AK9: variants seen among roughly 807,000 people sequenced by gnomAD.
The protein encoded by AK9 is adenylate kinase domain containing 1.
Under a neutral mutation model 239.6 loss-of-function variants are expected in AK9, and 191 were observed. The ratio of observed to expected loss-of-function variants is 0.80; its 90% CI spans 0.71 to 0.90. The LOEUF (loss-of-function observed/expected upper bound fraction) is 0.90. Ranked by LOEUF, AK9 falls within the 40% of genes least tolerant of loss-of-function variation. AK9 has a pLI of 0.00. For synonymous variants in AK9, 689 were observed against 721.0 expected, an observed-to-expected ratio of 0.96 and a Z score of 0.71; for missense variants, 1,995 against 2,214.7, an observed-to-expected ratio of 0.90 and a Z score of 1.99.
chr6:109,667,741 T>C (rs1297783708), intron 5 of AK9, among the ~76,000 whole-genome samples: 2 of 152,228 alleles, frequency 1.3e-5, no homozygotes, highest in Non-Finnish European at 1.5e-5. Flanking sequence ...CTCATCATTT[T>C]TTATGGCTGC....
At chr6:109,508,827 G>A (rs961280392) in intron 33 of AK9, among the ~76,000 whole-genome samples, 1 of 152,158 alleles carries the variant, frequency 6.6e-6, no homozygotes, top group Non-Finnish European at 1.5e-5. Flanking sequence ...AGCCCCTGGG[G>A]GATGGGGGAG....
intron 25 of AK9, among the ~76,000 whole-genome samples, chr6:109,548,049 A>G (rs1392775324): frequency 6.6e-6 from 1 of 151,630 alleles, no homozygotes; most frequent in African/African-American, 2.4e-5. Flanking sequence ...TATCAAAAAG[A>G]CAAAAAAAAT....
intron 29 of AK9, among the ~76,000 whole-genome samples, chr6:109,518,737 T>C (rs989609675): frequency 4.6e-5 from 7 of 152,032 alleles, no homozygotes; most frequent in Non-Finnish European, 8.8e-5. Flanking sequence ...TCTACAACTT[T>C]AAAAAAATTA....
At chr6:109,623,675 A>G (rs1795131960) in intron 12 of AK9, among the ~76,000 whole-genome samples, 1 of 152,194 alleles carries the variant, frequency 6.6e-6, no homozygotes, top group Non-Finnish European at 1.5e-5. Flanking sequence ...GTAATTTTTT[A>G]TGCAGTAATA....
chr6:109,499,287 G>T (rs1582722767), intron 35 of AK9, 47 bp from the exon 36 acceptor site: 2 of 1,311,986 alleles, frequency 1.5e-6, no homozygotes, highest in East Asian at 5.6e-5. Context: ...TTTTCATAGA[G>T]AACGCAATGA....
chr6:109,536,757 T>G (rs897185042), intron 27 of AK9, among the ~76,000 whole-genome samples: 18 of 152,324 alleles, frequency 1.2e-4, no homozygotes, highest in Middle Eastern at 6.8e-3. Flanking sequence ...AAATAGCTCT[T>G]ATTATTTTGA....
intron 24 of AK9, among the ~76,000 whole-genome samples, chr6:109,554,347 G>T (rs978807286): frequency 1.3e-5 from 2 of 151,964 alleles, no homozygotes; most frequent in East Asian, 1.9e-4. Flanking sequence ...TGGTTGGTAG[G>T]CTATTAATTA....
intron 17 of AK9, among the ~76,000 whole-genome samples, chr6:109,593,925 G>A (rs1204781716): frequency 6.6e-6 from 1 of 152,094 alleles, no homozygotes; most frequent in Non-Finnish European, 1.5e-5. Flanking sequence ...ATGGGCAAAA[G>A]CTGGAAGCAT....
At chr6:109,595,837 A>T (rs190495979) in intron 17 of AK9, among the ~76,000 whole-genome samples, 1 of 152,188 alleles carries the variant, frequency 6.6e-6, no homozygotes, top group East Asian at 1.9e-4. Flanking sequence ...AACATCACAC[A>T]CCAGGGCCTG....
chr6:109,675,741 G>C lies in AK9; in HGVS notation c.5C>G (p.Thr2Ser). 6.4e-7 allele frequency: 1 copy of C among 1,559,928 alleles called. No individual in the cohort carries two copies. The highest frequency in any genetic ancestry group is 8.7e-7 in the Non-Finnish European group (1 of 1,148,326). The change falls in exon 2 of 41, where the codon ACT (threonine) becomes AGT (serine). Residue 2 changes from threonine to serine, a missense_variant. Around this residue, in one of 5 missense-constraint regions of AK9, gnomAD observed 252 missense variants for 246.4 expected, o/e 1.02. Transcript: ENST00000424296. The stretch of plus-strand genomic sequence containing the variant: ...ATACTCTTCTGTCTTCTCTTGAGAA[G>C]TCATGACACAAAATACTACAATAAA... Reference protein sequence around the residue: MTSQEKTEEYPF... With the variant: MSSQEKTEEYPF...
intron 19 of AK9, among the ~76,000 whole-genome samples, chr6:109,582,915 A>T (rs1967725): frequency 0.58 from 88,508 of 151,992 alleles, 27,460 homozygotes; most frequent in East Asian, 0.84. Context: ...TCAGCAGCCA[A>T]CAACACTGAG....
chr6:109,593,054 T>C (rs1348653031), intron 17 of AK9, among the ~76,000 whole-genome samples: 2 of 152,086 alleles, frequency 1.3e-5, no homozygotes, highest in African/African-American at 2.4e-5. Flanking sequence ...TGGAAGACTT[T>C]ATTACTTTTC....
chr6:109,574,002 A>T (rs1019827252), intron 20 of AK9, among the ~76,000 whole-genome samples: 8 of 152,206 alleles, frequency 5.3e-5, no homozygotes, highest in Non-Finnish European at 1.2e-4. Context: ...TACTGTAAGT[A>T]TAAAACATAC....
At chr6:109,632,111 G>A in intron 12 of AK9, 1 of 968,410 alleles carries the variant, frequency 1.0e-6, no homozygotes, top group Non-Finnish European at 1.2e-6. Flanking sequence ...GTGGTTACAT[G>A]GGGGTTCATT....
At position 109,545,958 on chromosome 6, in the gene AK9, T is replaced by A; in HGVS notation, c.3134A>T (p.Asp1045Val). 2 of 1,614,246 alleles carry A rather than the reference T, an allele frequency of 1.2e-6. No individual in the cohort carries two copies. The change falls in exon 26 of 41, where the codon GAT (aspartate) becomes GTT (valine). Residue 1045 changes from aspartate to valine, a missense_variant. Asp to Val is a radical substitution (Grantham distance 152). This residue lies in a region of AK9 where 1,290 missense variants were observed against 1,392.7 expected (regional missense o/e 0.93). Coordinates refer to ENST00000424296, the MANE Select transcript of AK9 (RefSeq NM_001145128.3). The stretch of plus-strand genomic sequence containing the variant: ...TTTGGCAGCTTGCTCGTTCTCAGAA[T>A]CTTCCTCAAATTCAGGTCCCACTTT... ...EKKVGPEFEE[D>V]SENEQAAKQE...
Position 109,546,000 on chromosome 6 carries a change from A to T in AK9, c.3092T>A (p.Leu1031Gln). 1 of 1,614,084 alleles carries T rather than the reference A, an allele frequency of 6.2e-7. No individual in the cohort carries two copies. Among genetic ancestry groups the T allele is most frequent in the Non-Finnish European group, 8.5e-7 (1 of 1,180,004 alleles). The change falls in exon 26 of 41, where the codon CTA (leucine) becomes CAA (glutamine). Residue 1031 changes from leucine to glutamine, a missense_variant. Physicochemically the swap from Leu to Gln is moderately radical, Grantham distance 113. Transcript: ENST00000424296. ...TCCCACTTTCTTTTCAGTTTTGAGT[A>T]GTAGTTTTTCTTGAAGAACTTCTTC... ...QFEEVLQEKL[L>Q]LKTEKKVGPE...
chr6:109,497,722 G>T, intron 37 of AK9, 74 bp downstream of exon 37: 1 of 1,525,004 alleles, frequency 6.6e-7, no homozygotes, highest in Admixed American at 2.0e-5. Context: ...TGACCAATAT[G>T]TTAAGATTAT....
At chr6:109,639,076 A>C (rs918840419) in intron 10 of AK9, among the ~76,000 whole-genome samples, 2 of 152,152 alleles carry the variant, frequency 1.3e-5, no homozygotes, top group South Asian at 4.1e-4. Context: ...GTTGGTTCCA[A>C]GTCTTTGTAA....
intron 17 of AK9, among the ~76,000 whole-genome samples, chr6:109,599,346 T>G (rs1431768603): frequency 6.6e-6 from 1 of 152,136 alleles, no homozygotes. Context: ...TTTCCCCATT[T>G]CTTGTTTTTG....
Sources: gnomAD v4.1 joint callset for allele counts (sites outside exome capture counted in the v4.1 genomes callset) on GRCh38, gnomAD v4.1.1 for gene constraint, gnomAD v4.1.1 regional missense constraint, MANE v1.5 for transcripts, NCBI Gene and HGNC (gene_info 2026-07-23, HGNC 2026-07-21) for gene names.